GRM5: variants seen among roughly 807,000 people sequenced by gnomAD.
The protein encoded by GRM5 is glutamate metabotropic receptor 5, also known as metabotropic glutamate receptor 5.
Under a neutral mutation model 83.1 loss-of-function variants are expected in GRM5, and 19 were observed. The ratio of observed to expected loss-of-function variants is 0.23; its 90% CI spans 0.16 to 0.34. The LOEUF (loss-of-function observed/expected upper bound fraction) is 0.34, where lower values mean the gene tolerates loss of function less well. GRM5 is among the 10% of genes least tolerant of loss of function. The pLI is 1.00. For synonymous variants in GRM5, 675 were observed against 633.6 expected (o/e 1.07, Z -0.98); for missense variants, 1,160 against 1,588.3 (o/e 0.73, Z 4.58).
intron 3 of GRM5, among the ~76,000 whole-genome samples, chr11:88,824,174 T>C (rs1943852569): frequency 6.6e-6 from 1 of 152,124 alleles, no homozygotes. Flanking sequence ...TTTGGAAGCA[T>C]TAAGAAAAAA....
intron 7 of GRM5, among the ~76,000 whole-genome samples, chr11:88,577,394 A>T (rs113839724): frequency 1.3e-5 from 2 of 152,164 alleles, no homozygotes; most frequent in African/African-American, 4.8e-5. Flanking sequence ...TTAATGCCTC[A>T]TCCCACCCAT....
intron 9 of GRM5, among the ~76,000 whole-genome samples, chr11:88,518,498 A>C (rs1203013154): frequency 1.3e-5 from 2 of 152,024 alleles, no homozygotes; most frequent in African/African-American, 4.8e-5. Context: ...GTTCATGAAT[A>C]AATGGTTTCA....
intron 5 of GRM5, among the ~76,000 whole-genome samples, chr11:88,604,168 A>G (rs1938077559): frequency 6.6e-6 from 1 of 152,126 alleles, no homozygotes; most frequent in African/African-American, 2.4e-5. Flanking sequence ...AAGTTCCTCT[A>G]CAAATAATAA....
intron 2 of GRM5, among the ~76,000 whole-genome samples, chr11:88,860,102 T>C (rs1944537149): frequency 2.0e-5 from 3 of 152,194 alleles, no homozygotes; most frequent in Admixed American, 2.0e-4. Context: ...GATTTTGGTG[T>C]TAAATTTTTT....
chr11:88,681,093 G>C (rs74552006), intron 3 of GRM5, among the ~76,000 whole-genome samples: 2,849 of 145,902 alleles, frequency 0.02, 66 homozygotes, highest in East Asian at 0.099. Context: ...TATGGACTTG[G>C]TCTCAGAACT....
chr11:88,591,806 TA>T (rs1288741478), intron 6 of GRM5, among the ~76,000 whole-genome samples: 1 of 152,208 alleles, frequency 6.6e-6, no homozygotes, highest in Non-Finnish European at 1.5e-5. Flanking sequence ...CTAAAGTAAC[TA>T]AATAAGTGAG....
chr11:88,747,705 GA>G (rs34525662), intron 3 of GRM5, among the ~76,000 whole-genome samples: 71 of 144,280 alleles, frequency 4.9e-4, no homozygotes, highest in Admixed American at 1.4e-3. Flanking sequence ...GGCTATCCAG[GA>G]AAAAAAAAAA....
chr11:88,903,337 G>A (rs1945348099), intron 2 of GRM5, among the ~76,000 whole-genome samples: 1 of 152,134 alleles, frequency 6.6e-6, no homozygotes, highest in Non-Finnish European at 1.5e-5. Flanking sequence ...AAACAGTATG[G>A]AGATTTCTCA....
At chr11:88,617,567 T>C (rs1030524038) in intron 4 of GRM5, among the ~76,000 whole-genome samples, 1 of 152,154 alleles carries the variant, frequency 6.6e-6, no homozygotes, top group Non-Finnish European at 1.5e-5. Context: ...GAAAATTCTA[T>C]TTTTGTTTTT....
chr11:88,554,463 G>A (rs1942580399), intron 8 of GRM5, among the ~76,000 whole-genome samples: 2 of 152,126 alleles, frequency 1.3e-5, no homozygotes, highest in South Asian at 2.1e-4. Context: ...TACTAAAGAG[G>A]ACTTCCAGGT....
At chr11:88,525,452 G>C (rs759218062) in intron 8 of GRM5, 48 bp from the exon 9 acceptor site, 3 of 1,140,950 alleles carry the variant, frequency 2.6e-6, no homozygotes, top group Non-Finnish European at 4.0e-6. Context: ...ACGTGATTGT[G>C]TGCTTAACTG....
chr11:89,015,855 C>T (rs1224965190), intron 2 of GRM5, among the ~76,000 whole-genome samples: 2 of 152,290 alleles, frequency 1.3e-5, no homozygotes, highest in East Asian at 3.9e-4. Context: ...CACCTTGACT[C>T]TACCATTAGC....
At chr11:88,625,958 C>A (rs12799021) in intron 4 of GRM5, among the ~76,000 whole-genome samples, 140,849 of 152,232 alleles carry the variant, frequency 0.93, 65,722 homozygotes, top group South Asian at 0.99. Flanking sequence ...TAGAATTCAG[C>A]GGCAACAGGC....
chr11:88,737,164 G>A (rs1941931865), intron 3 of GRM5, among the ~76,000 whole-genome samples: 1 of 152,056 alleles, frequency 6.6e-6, no homozygotes, highest in Non-Finnish European at 1.5e-5. Context: ...CTTCAATGAA[G>A]ATGATACATT....
chr11:88,698,660 T>G (rs1940957611), intron 3 of GRM5, among the ~76,000 whole-genome samples: 1 of 152,144 alleles, frequency 6.6e-6, no homozygotes, highest in Non-Finnish European at 1.5e-5. Flanking sequence ...CACAGCTGAG[T>G]CCCCTGTGTG....
At chr11:88,961,741 G>A (rs1302128479) in intron 2 of GRM5, among the ~76,000 whole-genome samples, 1 of 152,082 alleles carries the variant, frequency 6.6e-6, no homozygotes, top group Non-Finnish European at 1.5e-5. Context: ...CTGGCATTGA[G>A]CATTCCCTTC....
rs558704874 is a variant in GRM5, at chr11:89,035,357, T to C, written c.661+11855A>G. Among the ~76,000 whole-genome samples, 7 of 152,008 alleles carry C rather than the reference T, an allele frequency of 4.6e-5. No homozygotes were observed. In the South Asian group the frequency reaches 1.5e-3, roughly 32 times the overall value. On this transcript the variant is annotated intron_variant, in intron 2 of 9. Coordinates refer to ENST00000305447, the MANE Select transcript of GRM5 (RefSeq NM_001143831.3). ...TCTCAAAGGATAAAATGCTATCATATGTAATTCAGTAATATATTTTTCATT... is the reference window on the plus strand; with the variant it reads ...TCTCAAAGGATAAAATGCTATCATACGTAATTCAGTAATATATTTTTCATT...
chr11:88,648,947 T>TG (rs1489289342), intron 4 of GRM5, among the ~76,000 whole-genome samples: 1,283 of 150,622 alleles, frequency 8.5e-3, no homozygotes, highest in African/African-American at 0.03. Flanking sequence ...CTGATGCAAT[T>TG]CTTTATTCTA....
chr11:88,561,203 T>C (rs1315319391), intron 8 of GRM5, among the ~76,000 whole-genome samples: 1 of 152,188 alleles, frequency 6.6e-6, no homozygotes, highest in African/African-American at 2.4e-5. Flanking sequence ...TCTAGGCATA[T>C]TGTAATTCGG....
Sources: allele counts gnomAD v4.1 joint callset (sites outside exome capture counted in the v4.1 genomes callset), GRCh38; gene constraint gnomAD v4.1.1; transcripts MANE v1.5; gene names NCBI Gene and HGNC (gene_info 2026-07-23, HGNC 2026-07-21).